Variants in CAMKMT observed in about 807,000 individuals in gnomAD.
The protein encoded by CAMKMT is calmodulin-lysine N-methyltransferase, also known as CaM KMT.
CAMKMT carries 53 observed loss-of-function variants against 48.0 expected under a neutral mutation model. The ratio of observed to expected loss-of-function variants is 1.10; its 90% confidence interval spans 0.89 to 1.39. The LOEUF (loss-of-function observed/expected upper bound fraction) is 1.39. Ranked by LOEUF, CAMKMT falls within the 40% of genes most tolerant of loss-of-function variation. CAMKMT has a pLI of 0.00. For synonymous variants in CAMKMT, 165 were observed against 152.3 expected (o/e 1.08, Z -0.61); for missense variants, 428 against 402.7 (o/e 1.06, Z -0.54).
chr2:44,683,728 C>G (rs1482728159), intron 3 of CAMKMT, among the ~76,000 whole-genome samples: 1 of 140,772 alleles, frequency 7.1e-6, no homozygotes, highest in African/African-American at 2.7e-5. Context: ...GAGGCTGAGG[C>G]AGGAGAAGGG....
intron 3 of CAMKMT, among the ~76,000 whole-genome samples, chr2:44,459,598 A>T (rs1388469033): frequency 1.3e-5 from 2 of 152,240 alleles, no homozygotes; most frequent in Non-Finnish European, 2.9e-5. Flanking sequence ...TTAAAATTAC[A>T]GTTAAAAAAT....
At chr2:44,708,305 A>T (rs549488521) in intron 6 of CAMKMT, among the ~76,000 whole-genome samples, 6 of 145,888 alleles carry the variant, frequency 4.1e-5, no homozygotes, top group African/African-American at 1.3e-4. Context: ...CTAAACTGCC[A>T]AAGCAGTTTT....
At chr2:44,677,932 A>G (rs1675806405) in intron 3 of CAMKMT, among the ~76,000 whole-genome samples, 1 of 152,120 alleles carries the variant, frequency 6.6e-6, no homozygotes, top group South Asian at 2.1e-4. Flanking sequence ...CACCCAGTTA[A>G]TGGTGTCACT....
chr2:44,677,562 G>T (rs1174819960), intron 3 of CAMKMT, among the ~76,000 whole-genome samples: 1 of 152,152 alleles, frequency 6.6e-6, no homozygotes, highest in African/African-American at 2.4e-5. Context: ...ACAAAAATTA[G>T]CTGGGCATGG....
chr2:44,714,834 A>G (rs1678083145), intron 6 of CAMKMT, among the ~76,000 whole-genome samples: 1 of 152,162 alleles, frequency 6.6e-6, no homozygotes, highest in Non-Finnish European at 1.5e-5. Flanking sequence ...TGCCTGTGGC[A>G]AGTCAGCATC....
intron 3 of CAMKMT, among the ~76,000 whole-genome samples, chr2:44,560,789 C>G (rs1318252373): frequency 6.6e-6 from 1 of 152,178 alleles, no homozygotes; most frequent in African/African-American, 2.4e-5. Context: ...TTTGGGATGT[C>G]TCAAAGTTAC....
intron 3 of CAMKMT, among the ~76,000 whole-genome samples, chr2:44,504,158 C>T (rs1278452176): frequency 6.6e-6 from 1 of 152,044 alleles, no homozygotes; most frequent in Non-Finnish European, 1.5e-5. Flanking sequence ...ATTAGGGTTT[C>T]AACATATTAA....
intron 3 of CAMKMT, among the ~76,000 whole-genome samples, chr2:44,441,628 G>T (rs1023610654): frequency 6.6e-6 from 1 of 151,662 alleles, no homozygotes; most frequent in African/African-American, 2.4e-5. Flanking sequence ...TAGTGCCTTC[G>T]AATATCTTTC....
At chr2:44,580,920 G>A (rs944290961) in intron 3 of CAMKMT, among the ~76,000 whole-genome samples, 5 of 152,186 alleles carry the variant, frequency 3.3e-5, no homozygotes, top group African/African-American at 4.8e-5. Flanking sequence ...ATTCAGTGTT[G>A]TTGGGCAAAT....
intron 3 of CAMKMT, among the ~76,000 whole-genome samples, chr2:44,502,734 T>C (rs1166288788): frequency 6.6e-6 from 1 of 152,136 alleles, no homozygotes; most frequent in Non-Finnish European, 1.5e-5. Context: ...CCTTCAAGAT[T>C]TAATAATTTG....
At chr2:44,638,573 A>G (rs1170446804) in intron 3 of CAMKMT, among the ~76,000 whole-genome samples, 1 of 152,214 alleles carries the variant, frequency 6.6e-6, no homozygotes, top group Non-Finnish European at 1.5e-5. Context: ...TGTCTTTCAA[A>G]TGGGGCCAAG....
chr2:44,472,140 G>T (rs1226548452), intron 3 of CAMKMT, among the ~76,000 whole-genome samples: 10 of 152,074 alleles, frequency 6.6e-5, no homozygotes, highest in African/African-American at 2.4e-4. Flanking sequence ...GTACAATCTC[G>T]GCTAACTGCA....
At chr2:44,679,924 A>G (rs557803093) in intron 3 of CAMKMT, among the ~76,000 whole-genome samples, 1 of 152,340 alleles carries the variant, frequency 6.6e-6, no homozygotes, top group South Asian at 2.1e-4. Flanking sequence ...AGGAATGTCA[A>G]GCACTTCTAA....
intron 3 of CAMKMT, among the ~76,000 whole-genome samples, chr2:44,573,845 C>G (rs1330156806): frequency 2.6e-5 from 4 of 152,212 alleles, no homozygotes; most frequent in African/African-American, 9.6e-5. Flanking sequence ...GAAATACAAC[C>G]TCTACCATAT....
intron 7 of CAMKMT, among the ~76,000 whole-genome samples, chr2:44,733,882 C>A (rs1337882000): frequency 6.6e-6 from 1 of 151,928 alleles, no homozygotes; most frequent in East Asian, 1.9e-4. Flanking sequence ...TAAATATTAT[C>A]CTCTTAATAT....
At chr2:44,649,911 T>G (rs902729222) in intron 3 of CAMKMT, among the ~76,000 whole-genome samples, 1 of 152,150 alleles carries the variant, frequency 6.6e-6, no homozygotes, top group Non-Finnish European at 1.5e-5. Flanking sequence ...TTAGACAGAA[T>G]GGTGTCACGC....
intron 3 of CAMKMT, among the ~76,000 whole-genome samples, chr2:44,592,906 T>C (rs1015262796): frequency 4.6e-5 from 7 of 152,194 alleles, no homozygotes; most frequent in Non-Finnish European, 1.0e-4. Context: ...TTGGGTGGTG[T>C]GTTCTATAAA....
intron 2 of CAMKMT, among the ~76,000 whole-genome samples, chr2:44,382,539 C>T (rs1421114783): frequency 5.3e-5 from 8 of 150,840 alleles, no homozygotes; most frequent in Non-Finnish European, 1.0e-4. Context: ...AGTACAGTGG[C>T]GCGATCTCCA....
chr2:44,644,573 T>C (rs1007906674), intron 3 of CAMKMT, among the ~76,000 whole-genome samples: 4 of 152,272 alleles, frequency 2.6e-5, no homozygotes, highest in African/African-American at 9.6e-5. Flanking sequence ...TAAAGCCATG[T>C]ATGTGAACAA....
Sources: allele counts gnomAD v4.1 joint callset (sites outside exome capture counted in the v4.1 genomes callset), GRCh38; gene constraint gnomAD v4.1.1; transcripts MANE v1.5; gene names NCBI Gene and HGNC (gene_info 2026-07-23, HGNC 2026-07-21).